The following VPS28 variants were observed in gnomAD, a reference collection of about 807,000 sequenced individuals.
VPS28 encodes the protein VPS28 subunit of ESCRT-I, also known as vacuolar protein sorting-associated protein 28 homolog.
VPS28 carries 29 observed loss-of-function variants against 33.7 expected under a neutral mutation model. The ratio of observed to expected loss-of-function variants is 0.86; its 90% CI spans 0.64 to 1.17. The LOEUF is 1.17. Among genes scored for constraint, VPS28 ranks in the 50% most tolerant of loss-of-function variants. The pLI, the probability that VPS28 is intolerant of heterozygous loss-of-function variation, is 0.00. For synonymous variants in VPS28, 164 were observed against 116.7 expected, an observed-to-expected ratio of 1.40 and a Z score of -2.61; for missense variants, 247 against 312.2, an observed-to-expected ratio of 0.79 and a Z score of 1.57.
At chr8:144,425,496 G>A (rs1554876471) in intron 5 of VPS28, 187 bp downstream of exon 5, 6 of 615,454 alleles carry the variant, frequency 9.7e-6, no homozygotes, top group Non-Finnish European at 1.4e-5. Flanking sequence ...CAGGAGCTGC[G>A]CCTCTGCCCG....
Position 144,425,066 on chromosome 8 carries a change from G to C in VPS28, c.195-15C>G. 1 of 1,549,174 alleles carries C rather than the reference G, an allele frequency of 6.5e-7. No homozygotes were observed. Among genetic ancestry groups the C allele is most frequent in the Middle Eastern group, 1.7e-4 (1 of 5,982 alleles). ...CTGCAGTGTACCTAGGGAGAGGTCA[G>C]CTGCTGCCCAAGCATGGGACCAGCC... On this transcript the variant is annotated splice_polypyrimidine_tract_variant and intron_variant, in intron 5 of 9. Transcript: ENST00000292510.
At chr8:144,425,895 G>A (rs1229602960) in intron 4 of VPS28, 123 bp from the exon 5 acceptor site, 11 of 1,522,978 alleles carry the variant, frequency 7.2e-6, no homozygotes, top group Admixed American at 6.0e-5. Flanking sequence ...ATCCTGGAGT[G>A]CCTCAGGAAC....
At chr8:144,425,197 G>A in intron 5 of VPS28, 146 bp from the exon 6 acceptor site, 1 of 694,470 alleles carries the variant, frequency 1.4e-6, no homozygotes, top group Non-Finnish European at 2.4e-6. Flanking sequence ...GGGGCTGCTA[G>A]TAGCTTTTGG....
rs1564719118 is a variant in VPS28 at position 144,425,484 on chromosome 8, C to T, written c.194+199G>A. ...GGTGGGGGAGTGGGCCGGATGACACCCCAGGAGCTGCGCCTCTGCCCGCCT... is the reference window on the plus strand; with the variant it reads ...GGTGGGGGAGTGGGCCGGATGACACTCCAGGAGCTGCGCCTCTGCCCGCCT... On this transcript the variant is annotated intron_variant, in intron 5 of 9. Coordinates refer to ENST00000292510, the MANE Select transcript of VPS28 (RefSeq NM_016208.4). 3 of 607,298 alleles carry T rather than the reference C, an allele frequency of 4.9e-6. No homozygotes were observed. In the South Asian group the frequency reaches 6.0e-5, roughly 12 times the overall value. 37.6% of individuals were successfully genotyped at this position (607,298 alleles called of 1,614,324 possible).
intron 1 of VPS28, among the ~76,000 whole-genome samples, chr8:144,427,663 G>A (rs1015946132): frequency 2.6e-5 from 4 of 152,288 alleles, no homozygotes; most frequent in South Asian, 2.1e-4. Context: ...GAAAGAGGGG[G>A]TCCTAGGGAA....
At chr8:144,426,376 T>TG (rs1554876783) in intron 2 of VPS28, 168 bp from the exon 3 acceptor site, 2 of 865,162 alleles carry the variant, frequency 2.3e-6, no homozygotes, top group African/African-American at 1.7e-5. Flanking sequence ...TATCAGTGTG[T>TG]GGGGGGACCT....
intron 5 of VPS28, 199 bp from the exon 6 acceptor site, chr8:144,425,250 C>T (rs1430444077): frequency 2.8e-5 from 17 of 603,238 alleles, no homozygotes; most frequent in Non-Finnish European, 4.7e-5. Context: ...AGCTCGGCTC[C>T]AGGTGGAGAC....
In VPS28 at chr8:144,423,648, G is replaced by C. The variant is rs1211915200; in HGVS notation, c.*157C>G. On this transcript the variant is annotated 3_prime_UTR_variant, in exon 10 of 10. Transcript: ENST00000292510. ...CGGAGAGCATCTTTATTGTGGGGAGGGGCCCGGCCCCCAAAGTTCTGACAC... is the reference window on the plus strand; with the variant it reads ...CGGAGAGCATCTTTATTGTGGGGAGCGGCCCGGCCCCCAAAGTTCTGACAC... 3.2e-6 allele frequency: 3 copies of C among 951,408 alleles called. No individual in the cohort carries two copies. The highest frequency in any genetic ancestry group is 4.7e-6 in the Non-Finnish European group (3 of 632,428). The allele number at this position is 951,408 out of a possible 1,614,324, so 58.9% of individuals were successfully genotyped here. A position where few individuals can be genotyped will look rare whatever the true frequency, so the allele number is the denominator to read the frequency against.
At chr8:144,425,639 G>A in intron 5 of VPS28, 44 bp downstream of exon 5, 2 of 1,601,932 alleles carry the variant, frequency 1.2e-6, no homozygotes, top group Non-Finnish European at 1.7e-6. Flanking sequence ...GAGCACCCAA[G>A]CCCCCCAGGG....
At chr8:144,426,111 G>C (rs1554876670) in intron 3 of VPS28, 48 bp from the exon 4 acceptor site, 2 of 1,568,542 alleles carry the variant, frequency 1.3e-6, no homozygotes, top group Admixed American at 1.9e-5. Context: ...AGGGGCTGCA[G>C]GACCCTGGTG....
chr8:144,426,855 C>T, intron 2 of VPS28, 54 bp downstream of exon 2: 1 of 1,604,522 alleles, frequency 6.2e-7, no homozygotes, highest in African/African-American at 1.3e-5. Flanking sequence ...CCAATACTGC[C>T]CGTCAGCCCC....
chr8:144,427,945 G>A (rs1417013260), intron 1 of VPS28, among the ~76,000 whole-genome samples: 1 of 152,238 alleles, frequency 6.6e-6, no homozygotes, highest in South Asian at 2.1e-4. Flanking sequence ...GCAGGCGCAG[G>A]AAGCTCTCGG....
In VPS28 at chr8:144,424,263, G is replaced by A. The variant is rs1822562800; in HGVS notation, c.408C>T (p.Phe136=). Residue 136 remains phenylalanine (F), a synonymous_variant, in exon 8 of 10, where the codon TTC becomes TTT. Transcript: ENST00000292510. ...NRCIADVVSL[F]ITVMDKLRLE... is the part of the protein sequence containing the mutation. ...GACGCAGCTTGTCCATGACCGTGAT[G>A]AAGAGCTGGGGGCAGGTGTGCACAT... The A allele has an allele frequency of 2.5e-6, 4 of 1,603,868 alleles. No individual in the cohort carries two copies. The highest frequency in any genetic ancestry group is 1.1e-5 in the South Asian group (1 of 90,254).
chr8:144,427,820 G>A (rs1052068134), intron 1 of VPS28, among the ~76,000 whole-genome samples: 1 of 152,234 alleles, frequency 6.6e-6, no homozygotes, highest in African/African-American at 2.4e-5. Flanking sequence ...TCCGCCGAGG[G>A]ATTTGAGATA....
chr8:144,424,420 G>T, intron 7 of VPS28, 152 bp from the exon 8 acceptor site: 1 of 1,060,528 alleles, frequency 9.4e-7, no homozygotes, highest in Non-Finnish European at 1.3e-6. Flanking sequence ...GGGTGAACGA[G>T]GTCCTGGCTG....
intron 2 of VPS28, 147 bp from the exon 3 acceptor site, chr8:144,426,355 A>G: frequency 9.2e-7 from 1 of 1,083,616 alleles, no homozygotes. Context: ...CAGAGGTTCC[A>G]ACCTCACCCC....
chr8:144,427,576 G>A (rs1312593831), intron 1 of VPS28, among the ~76,000 whole-genome samples: 1 of 152,196 alleles, frequency 6.6e-6, no homozygotes, highest in African/African-American at 2.4e-5. Context: ...TGGGGCACAG[G>A]AAACAACACA....
chr8:144,425,360 C>T (rs1307393518), intron 5 of VPS28: 11 of 555,894 alleles, frequency 2.0e-5, no homozygotes, highest in Admixed American at 9.4e-5. Flanking sequence ...TGGCCTGTGA[C>T]GGTCTTGTCA....
At chr8:144,424,635 A>G in intron 7 of VPS28, 83 bp downstream of exon 7, 1 of 1,422,132 alleles carries the variant, frequency 7.0e-7, no homozygotes, top group Non-Finnish European at 9.8e-7. Context: ...TCAGCTCTGG[A>G]GGCCCAGGAC....
Sources: allele counts gnomAD v4.1 joint callset (sites outside exome capture counted in the v4.1 genomes callset), GRCh38; gene constraint gnomAD v4.1.1; transcripts MANE v1.5; gene names NCBI Gene and HGNC (gene_info 2026-07-23, HGNC 2026-07-21).